Variants in CACNA1C observed in about 807,000 individuals in gnomAD.
CACNA1C encodes the protein calcium voltage-gated channel subunit alpha1 C.
CACNA1C carries 30 observed loss-of-function variants against 229.0 expected under a neutral mutation model. The observed-to-expected ratio is 0.13, with a 90% CI of 0.10 to 0.18. The LOEUF is 0.18. Ranked by LOEUF, CACNA1C falls within the 10% of genes least tolerant of loss-of-function variation. The probability of loss-of-function intolerance (pLI) is 1.00; values close to 1 mark genes in which losing one functional copy is unlikely to be tolerated. For missense variants in CACNA1C, 1,658 were observed against 2,845.0 expected (o/e 0.58, Z 9.49); for synonymous variants, 1,114 against 1,132.5 (o/e 0.98, Z 0.33).
chr12:2,058,398 C>T (rs944805451), intron 1 of CACNA1C, among the ~76,000 whole-genome samples: 2 of 150,466 alleles, frequency 1.3e-5, no homozygotes, highest in South Asian at 2.1e-4. Context: ...AGACTGTTTG[C>T]GAAACACCTG....
chr12:2,545,999 G>A (rs1274034911), intron 9 of CACNA1C, among the ~76,000 whole-genome samples: 1 of 152,212 alleles, frequency 6.6e-6, no homozygotes, highest in Non-Finnish European at 1.5e-5. Context: ...CCATGTAGTA[G>A]CTGGAATCTT....
intron 18 of CACNA1C, among the ~76,000 whole-genome samples, chr12:2,592,703 A>AT (rs55789235): frequency 2.1e-4 from 27 of 131,606 alleles, no homozygotes; most frequent in African/African-American, 5.8e-4. Context: ...CAGCACATGA[A>AT]TTTTTTTTTT....
chr12:2,433,289 G>A (rs1355869264), intron 3 of CACNA1C, among the ~76,000 whole-genome samples: 1 of 152,154 alleles, frequency 6.6e-6, no homozygotes, highest in East Asian at 1.9e-4. Flanking sequence ...GGGGCCACAG[G>A]TGGTCCTACT....
At chr12:2,008,524 C>CAATTCTTAATTG (rs201868543) in intron 1 of CACNA1C, among the ~76,000 whole-genome samples, 2,296 of 152,238 alleles carry the variant, frequency 0.015, 62 homozygotes, top group African/African-American at 0.053. Flanking sequence ...AATAGAGATT[C>CAATTCTTAATTG]AATAAATGCT....
At chr12:2,498,805 G>C (rs1260189180) in intron 7 of CACNA1C, among the ~76,000 whole-genome samples, 1 of 152,214 alleles carries the variant, frequency 6.6e-6, no homozygotes, top group Non-Finnish European at 1.5e-5. Flanking sequence ...GCAGAGACCT[G>C]GGTTTTAGGT....
chr12:2,351,828 G>A (rs963695846), intron 3 of CACNA1C, among the ~76,000 whole-genome samples: 27 of 151,966 alleles, frequency 1.8e-4, no homozygotes, highest in African/African-American at 5.8e-4. Flanking sequence ...CTAAATACAT[G>A]CCCACCACCT....
chr12:2,550,688 C>T, intron 10 of CACNA1C: 2 of 1,327,124 alleles, frequency 1.5e-6, no homozygotes, highest in African/African-American at 3.0e-5. Flanking sequence ...TGAATTGCTC[C>T]ACCTGGGGGG....
rs542938827 is a variant in CACNA1C, at chr12:2,079,634, T to C, written c.49+26023T>C. 5.3e-5 allele frequency among the ~76,000 whole-genome samples: 8 copies of C among 152,282 alleles called. No individual in the cohort carries two copies. The East Asian group carries it at 1.5e-3, about 29-fold the overall frequency. ...ACTGGGAGTCCAGTGCTTCAACATA[T>C]AAATTTTGGGGAGACACAAACATTT... On this transcript the variant is annotated intron_variant, in intron 1 of 46. Coordinates refer to ENST00000399655, the MANE Select transcript of CACNA1C (RefSeq NM_000719.7).
At chr12:2,273,201 C>T (rs916776327) in intron 3 of CACNA1C, among the ~76,000 whole-genome samples, 1 of 152,154 alleles carries the variant, frequency 6.6e-6, no homozygotes, top group African/African-American at 2.4e-5. Flanking sequence ...TCTTGTGTAC[C>T]TTAAATCATC....
chr12:2,659,429 G>A (rs1194615163), intron 34 of CACNA1C, among the ~76,000 whole-genome samples: 4 of 152,134 alleles, frequency 2.6e-5, no homozygotes, highest in Non-Finnish European at 4.4e-5. Flanking sequence ...TAATAGCTAC[G>A]GCATCTAGGT....
chr12:2,187,528 G>GT (rs71441679), intron 3 of CACNA1C, among the ~76,000 whole-genome samples: 69,256 of 152,046 alleles, frequency 0.46, 16,448 homozygotes, highest in African/African-American at 0.59. Context: ...CATCTGCGCA[G>GT]GGCTTAGTTT....
intron 3 of CACNA1C, among the ~76,000 whole-genome samples, chr12:2,392,449 A>C (rs973294699): frequency 6.6e-6 from 1 of 152,192 alleles, no homozygotes; most frequent in Non-Finnish European, 1.5e-5. Flanking sequence ...GCACCTAAGC[A>C]GACCTTGTCA....
Position 2,664,872 on chromosome 12 carries a change from C to A in CACNA1C, c.4280C>A (p.Pro1427Gln). ...CAGGACATCATGCTGGCCTGCATGCCAGGCAAGAAGTGTGCCCCAGAGTCC... is the reference window on the plus strand; with the variant it reads ...CAGGACATCATGCTGGCCTGCATGCAAGGCAAGAAGTGTGCCCCAGAGTCC... ...AWQDIMLACM[P>Q]GKKCAPESEP... Residue 1427 changes from proline to glutamine, a missense_variant, in exon 35 of 47, where the codon CCA (proline) becomes CAA (glutamine). By Grantham distance (76) the Pro-to-Gln change is moderately conservative. This residue lies in a region of CACNA1C where 151 missense variants were observed against 344.4 expected (regional missense o/e 0.44). Transcript: ENST00000399655. The A allele has an allele frequency of 6.2e-7, 1 of 1,612,074 alleles. No individual in the cohort carries two copies. The highest frequency in any genetic ancestry group is 1.1e-5 in the South Asian group (1 of 90,784).
At chr12:2,031,530 A>T (rs2048224517) in intron 1 of CACNA1C, among the ~76,000 whole-genome samples, 1 of 152,084 alleles carries the variant, frequency 6.6e-6, no homozygotes. Flanking sequence ...TTGGATAATG[A>T]GTTTCTTTTT....
Position 2,097,415 on chromosome 12 carries a change from G to A in CACNA1C, c.50-17809G>A, listed in dbSNP as rs138243439. Among the ~76,000 whole-genome samples the A allele has an allele frequency of 3.8e-3, 574 of 152,124 alleles. 3 individuals carry two copies. The highest frequency in any genetic ancestry group is 0.013 in the African/African-American group (536 of 41,506). ...CCCGCCTCGACCTCCCAAAGTGCTG[G>A]GATTACAGATGTGAGCCACCGCGCC... On this transcript the variant is annotated intron_variant, in intron 1 of 46. Coordinates refer to ENST00000399655, the MANE Select transcript of CACNA1C (RefSeq NM_000719.7).
chr12:2,510,222 T>A (rs879813368), intron 8 of CACNA1C, among the ~76,000 whole-genome samples: 1 of 152,318 alleles, frequency 6.6e-6, no homozygotes, highest in Middle Eastern at 3.4e-3. Flanking sequence ...CATGTCTTCA[T>A]TAGCTCAGTC....
Position 2,443,117 on chromosome 12 carries a change from G to A in CACNA1C, c.478-5859G>A, listed in dbSNP as rs907698453. Reference sequence around the variant, plus strand: ...TCCAAAGACTCATCTGAAGTAGCAGGGCTGGAGGGCCCGGTAGGAGCAAGA... The same window carrying A: ...TCCAAAGACTCATCTGAAGTAGCAGAGCTGGAGGGCCCGGTAGGAGCAAGA... On this transcript the variant is annotated intron_variant, in intron 3 of 46. Transcript: ENST00000399655. Among the ~76,000 whole-genome samples the A allele has an allele frequency of 3.3e-5, 5 of 152,290 alleles. No individual in the cohort carries two copies. The East Asian group carries it at 7.7e-4, about 24-fold the overall frequency.
Position 2,646,847 on chromosome 12 carries a change from C to T in CACNA1C, c.3913-1628C>T, listed in dbSNP as rs2094428945. ...GTTTGTCTCTGTGTTCAATCTCAGT[C>T]TGCTAGCCAAATCCTAGGGACCCCA... On this transcript the variant is annotated intron_variant, in intron 30 of 46. Transcript: ENST00000399655. This position sits in a 1 kb window ranked among gnomAD's most constrained non-coding sequence, Gnocchi z 4.6. Among the ~76,000 whole-genome samples the T allele has an allele frequency of 6.6e-6, 1 of 151,976 alleles. No homozygotes were observed. The highest frequency in any genetic ancestry group is 1.5e-5 in the Non-Finnish European group (1 of 67,998).
At chr12:2,674,725 CT>C in intron 39 of CACNA1C, 83 bp downstream of exon 39, 1 of 1,314,844 alleles carries the variant, frequency 7.6e-7, no homozygotes, top group Non-Finnish European at 1.0e-6. Context: ...CTGTGGCACC[CT>C]TAGAATGCGG....
Sources: gnomAD v4.1 joint callset for allele counts (sites outside exome capture counted in the v4.1 genomes callset) on GRCh38, gnomAD v4.1.1 for gene constraint, gnomAD v4.1.1 regional missense constraint, Gnocchi (gnomAD v3.1) non-coding constraint, MANE v1.5 for transcripts, NCBI Gene and HGNC (gene_info 2026-07-23, HGNC 2026-07-21) for gene names.